The following MEX3D variants were observed in gnomAD, a reference collection of about 807,000 sequenced individuals.
MEX3D encodes mex-3 RNA binding family member D, also known as RNA-binding protein MEX3D.
A neutral mutation model predicts 6.3 loss-of-function variants in MEX3D; 4 were observed. The ratio of observed to expected loss-of-function variants is 0.64; its 90% CI spans 0.31 to 1.46. The LOEUF (loss-of-function observed/expected upper bound fraction) is 1.46, where lower values mean the gene tolerates loss of function less well. Among genes scored for constraint, MEX3D ranks in the 40% most tolerant of loss-of-function variants. The probability of loss-of-function intolerance (pLI) is 0.07; values close to 1 mark genes in which losing one functional copy is unlikely to be tolerated. For synonymous variants in MEX3D, 626 were observed against 494.1 expected (o/e 1.27, Z -3.54); for missense variants, 1,038 against 994.4 (o/e 1.04, Z -0.59).
intron 1 of MEX3D, among the ~76,000 whole-genome samples, chr19:1,557,813 C>T (rs1163385039): frequency 7.6e-6 from 1 of 131,394 alleles, no homozygotes. Context: ...GAGCCGAGAT[C>T]GCACACCATT....
At position 1,556,736 on chromosome 19, in the gene MEX3D, G is replaced by C; in HGVS notation, c.783C>G (p.Pro261=). 1.2e-6 allele frequency: 2 copies of C among 1,611,816 alleles called. No individual in the cohort carries two copies. The highest frequency in any genetic ancestry group is 1.7e-6 in the Non-Finnish European group (2 of 1,179,440). The change falls in exon 2 of 2, where the codon CCC becomes CCG. Residue 261 remains proline, a synonymous_variant. Coordinates refer to ENST00000402693, the MANE Select transcript of MEX3D (RefSeq NM_203304.4). The surrounding 1 kb of genome is among the most constrained non-coding windows in gnomAD (Gnocchi z 7.5). ...GGTTGGGCGGGCCCTGGGCGGCGCC[G>C]GGCAGACCCCCGGCCTTGCTGCGCG... ...RATRSKAGGL[P]GAAQGPPNLP... is the part of the protein sequence containing the mutation.
intron 1 of MEX3D, among the ~76,000 whole-genome samples, chr19:1,563,730 C>T (rs758504307): frequency 5.3e-5 from 8 of 152,108 alleles, no homozygotes; most frequent in Non-Finnish European, 2.9e-5. Context: ...CCTCCCCTCA[C>T]CCCCAGCCCT....
In MEX3D at chr19:1,555,435, AC is replaced by A. The variant is rs200001023; in HGVS notation, c.*127del. On this transcript the variant is annotated 3_prime_UTR_variant, in exon 2 of 2. Coordinates refer to ENST00000402693, the MANE Select transcript of MEX3D (RefSeq NM_203304.4). ...CATCTGTAAACACTGGCCGCCGCCC[AC>A]CCCCCTGCCCCCTCGGCCTCCGCCC... The A allele has an allele frequency of 1.0e-4, 101 of 975,612 alleles. No homozygotes were observed. Among genetic ancestry groups the A allele is most frequent in the Non-Finnish European group, 1.4e-4 (99 of 692,170 alleles). 60.4% of individuals were successfully genotyped at this position (975,612 alleles called of 1,614,324 possible).
rs899270558 is a variant in MEX3D, at chr19:1,567,709, G to T, written c.350C>A (p.Pro117His). The T allele has an allele frequency of 1.4e-5, 15 of 1,052,556 alleles. No homozygotes were observed. Among genetic ancestry groups the T allele is most frequent in the Admixed American group, 5.3e-5 (1 of 18,998 alleles). The allele number at this position is 1,052,556 out of a possible 1,614,324, so 65.2% of individuals were successfully genotyped here. A position where few individuals can be genotyped will look rare whatever the true frequency, so the allele number is the denominator to read the frequency against. Reference protein sequence around the residue: ...PEAGAPPTLAPAVAPGSLPLL... With the variant: ...PEAGAPPTLAHAVAPGSLPLL... ...CGGCAGCGACCCGGGGGCCACGGCGGGGGCCAGGGTCGGGGGCGCGCCGGC... is the reference window on the plus strand; with the variant it reads ...CGGCAGCGACCCGGGGGCCACGGCGTGGGCCAGGGTCGGGGGCGCGCCGGC... The change falls in exon 1 of 2, where the codon CCC becomes CAC. Residue 117 changes from proline to histidine, a missense_variant. By Grantham distance (77) the Pro-to-His change is moderately conservative. Coordinates refer to ENST00000402693, the MANE Select transcript of MEX3D (RefSeq NM_203304.4). The surrounding 1 kb of genome is among the most constrained non-coding windows in gnomAD (Gnocchi z 6.5).
At chr19:1,565,371 G>A (rs1354356351) in intron 1 of MEX3D, among the ~76,000 whole-genome samples, 2 of 152,206 alleles carry the variant, frequency 1.3e-5, no homozygotes, top group African/African-American at 2.4e-5. Flanking sequence ...GTGAAACCCC[G>A]TCTCTACTAA....
chr19:1,556,730 G>A lies in MEX3D; in HGVS notation c.789C>T (p.Ala263=), dbSNP rs972218247. ...CGGGAAGGTTGGGCGGGCCCTGGGC[G>A]GCGCCGGGCAGACCCCCGGCCTTGC... ...TRSKAGGLPG[A]AQGPPNLPGQ... is the part of the protein sequence containing the mutation. The change falls in exon 2 of 2, where the codon GCC becomes GCT. Residue 263 remains alanine, a synonymous_variant. Coordinates refer to ENST00000402693, the MANE Select transcript of MEX3D (RefSeq NM_203304.4). The surrounding 1 kb of genome is among the most constrained non-coding windows in gnomAD (Gnocchi z 7.5). 3 of 1,611,342 alleles carry A rather than the reference G, an allele frequency of 1.9e-6. No individual in the cohort carries two copies. The highest frequency in any genetic ancestry group is 2.5e-6 in the Non-Finnish European group (3 of 1,179,220).
rs754235628 is a variant in MEX3D, at chr19:1,555,721, A to ACTCTCGCGCCAGGGC, written c.1783_1797dup (p.Ala595_Glu599dup). The ACTCTCGCGCCAGGGC allele has an allele frequency of 1.4e-5, 21 of 1,534,084 alleles. No individual in the cohort carries two copies. The African/African-American group carries it at 3.0e-4, about 22-fold the overall frequency. ...ACCTCGCCCTCGGCGCACACCACGC[A>ACTCTCGCGCCAGGGC]CTCTCGCGCCAGGGCCGGGGCCGAG... On this transcript the variant is annotated inframe_insertion, in exon 2 of 2. Coordinates refer to ENST00000402693, the MANE Select transcript of MEX3D (RefSeq NM_203304.4).
chr19:1,560,758 A>G (rs1270275919), intron 1 of MEX3D, among the ~76,000 whole-genome samples: 1 of 152,174 alleles, frequency 6.6e-6, no homozygotes, highest in Non-Finnish European at 1.5e-5. Flanking sequence ...CCTCACAGCT[A>G]GAAGGCCTCT....
At chr19:1,566,494 CGGCCCCACCACCAGCCCCGCCAA>C (rs1431177758) in intron 1 of MEX3D, among the ~76,000 whole-genome samples, 18 of 152,172 alleles carry the variant, frequency 1.2e-4, no homozygotes, top group African/African-American at 4.3e-4. Flanking sequence ...AAGTGTCCTG[CGGCCCCACCACCAGCCCCGCCAA>C]GGCCCCACCC....
intron 1 of MEX3D, among the ~76,000 whole-genome samples, chr19:1,565,225 GAAAAACTTTATAAT>G (rs985170423): frequency 6.6e-6 from 1 of 152,070 alleles, no homozygotes; most frequent in Non-Finnish European, 1.5e-5. Flanking sequence ...GTCTCTACAA[GAAAAACTTTATAAT>G]AAAAACAAAT....
chr19:1,555,253 G>T lies in MEX3D; in HGVS notation c.*310C>A. 3 of 1,417,124 alleles carry T rather than the reference G, an allele frequency of 2.1e-6. No individual in the cohort carries two copies. The highest frequency in any genetic ancestry group is 2.9e-6 in the Non-Finnish European group (3 of 1,039,532). The allele number at this position is 1,417,124 out of a possible 1,614,324, so 87.8% of individuals were successfully genotyped here. On this transcript the variant is annotated 3_prime_UTR_variant, in exon 2 of 2. Coordinates refer to ENST00000402693, the MANE Select transcript of MEX3D (RefSeq NM_203304.4). Reference sequence around the variant, plus strand: ...GCTTTTTTAAAGATCACCCTGGAGGGGAGGGGTGTCTAAAAATAAGAAAAC... The same window carrying T: ...GCTTTTTTAAAGATCACCCTGGAGGTGAGGGGTGTCTAAAAATAAGAAAAC...
At chr19:1,559,901 C>T (rs750054383) in intron 1 of MEX3D, among the ~76,000 whole-genome samples, 1 of 152,132 alleles carries the variant, frequency 6.6e-6, no homozygotes, top group South Asian at 2.1e-4. Flanking sequence ...CCACACCTGT[C>T]CCTCCCAGTC....
intron 1 of MEX3D, among the ~76,000 whole-genome samples, chr19:1,557,355 A>C (rs918733157): frequency 6.6e-5 from 10 of 151,356 alleles, no homozygotes; most frequent in Non-Finnish European, 1.2e-4. Context: ...ACTTGAGGTC[A>C]GGAGTTCCAA....
Position 1,567,343 on chromosome 19 carries a change from CGCGGGGCGTGTCCGGT to C in MEX3D, c.595+105_595+120del. ...AGGCAGCGGCCGAGGCCGGAGCCCA[CGCGGGGCGTGTCCGGT>C]GCGGGGCGTCCGGCGCGGGCTGGGC... On this transcript the variant is annotated intron_variant, in intron 1 of 1. Coordinates refer to ENST00000402693, the MANE Select transcript of MEX3D (RefSeq NM_203304.4). The surrounding 1 kb of genome is among the most constrained non-coding windows in gnomAD (Gnocchi z 6.5). The C allele has an allele frequency of 2.6e-6, 3 of 1,172,708 alleles. No homozygotes were observed. Among genetic ancestry groups the C allele is most frequent in the Non-Finnish European group, 3.3e-6 (3 of 907,242 alleles). 72.6% of individuals were successfully genotyped at this position (1,172,708 alleles called of 1,614,324 possible).
chr19:1,558,426 CACAG>C (rs1328790412), intron 1 of MEX3D, among the ~76,000 whole-genome samples: 8 of 151,840 alleles, frequency 5.3e-5, no homozygotes, highest in Admixed American at 2.0e-4. Context: ...CTTGTGGAGA[CACAG>C]ACAGAGACTG....
At chr19:1,563,368 G>C (rs986536652) in intron 1 of MEX3D, among the ~76,000 whole-genome samples, 2 of 152,202 alleles carry the variant, frequency 1.3e-5, no homozygotes, top group African/African-American at 2.4e-5. Context: ...AGCAGAGAGA[G>C]CGAGCCCTGA....
chr19:1,563,103 G>A (rs1914759821), intron 1 of MEX3D, among the ~76,000 whole-genome samples: 1 of 152,236 alleles, frequency 6.6e-6, no homozygotes, highest in African/African-American at 2.4e-5. Flanking sequence ...GGTCTGCAGT[G>A]TGGAGGTTTC....
Position 1,567,635 on chromosome 19 carries a change from ACGGCCGGGGCGG to A in MEX3D, c.412_423del (p.Pro138_Pro141del), listed in dbSNP as rs1914877713. The stretch of plus-strand genomic sequence containing the variant: ...AAGCCCGCGAACACGTCGGGGGGCG[ACGGCCGGGGCGG>A]CGGCGGCGGCGGGGGACTCGCGTTG... On this transcript the variant is annotated inframe_deletion, in exon 1 of 2. Transcript: ENST00000402693. This position sits in a 1 kb window ranked among gnomAD's most constrained non-coding sequence, Gnocchi z 6.5. The A allele has an allele frequency of 1.6e-6, 2 of 1,251,762 alleles. No homozygotes were observed. Among genetic ancestry groups the A allele is most frequent in the Non-Finnish European group, 2.0e-6 (2 of 990,434 alleles). 77.5% of individuals were successfully genotyped at this position (1,251,762 alleles called of 1,614,324 possible). A position where few individuals can be genotyped will look rare whatever the true frequency, so the allele number is the denominator to read the frequency against.
At chr19:1,563,848 C>T (rs1341055124) in intron 1 of MEX3D, among the ~76,000 whole-genome samples, 3 of 152,110 alleles carry the variant, frequency 2.0e-5, no homozygotes, top group Non-Finnish European at 2.9e-5. Flanking sequence ...TGCTTTGTTG[C>T]CTAGACTGGA....
Sources: allele counts gnomAD v4.1 joint callset (sites outside exome capture counted in the v4.1 genomes callset), GRCh38; gene constraint gnomAD v4.1.1; non-coding constraint Gnocchi (gnomAD v3.1); transcripts MANE v1.5; gene names NCBI Gene and HGNC (gene_info 2026-07-23, HGNC 2026-07-21).